The following GRID1 variants were observed in gnomAD, a reference collection of about 807,000 sequenced individuals.
The protein encoded by GRID1 is glutamate receptor ionotropic, delta-1.
In GRID1, 28 loss-of-function variants were observed where a neutral mutation model predicts 98.0. The observed-to-expected ratio is 0.29, with a 90% CI of 0.21 to 0.39. The LOEUF (loss-of-function observed/expected upper bound fraction) is 0.39. Among genes scored for constraint, GRID1 ranks in the 10% least tolerant of loss-of-function variants. The pLI is 1.00. For synonymous variants in GRID1, 553 were observed against 538.5 expected (o/e 1.03, Z -0.37); for missense variants, 1,111 against 1,340.5 (o/e 0.83, Z 2.67).
chr10:85,653,998 A>G (rs1395501703), intron 12 of GRID1, among the ~76,000 whole-genome samples: 1 of 152,238 alleles, frequency 6.6e-6, no homozygotes, highest in Non-Finnish European at 1.5e-5. Flanking sequence ...CTTTGTATCC[A>G]AAGCCTAGTC....
intron 4 of GRID1, among the ~76,000 whole-genome samples, chr10:86,003,898 C>T (rs146720187): frequency 2.0e-5 from 3 of 152,302 alleles, no homozygotes; most frequent in African/African-American, 7.2e-5. Flanking sequence ...CTTGCCTGCC[C>T]TGTGCCACAT....
chr10:85,651,262 G>T (rs975025039), intron 12 of GRID1, among the ~76,000 whole-genome samples: 1 of 152,226 alleles, frequency 6.6e-6, no homozygotes, highest in African/African-American at 2.4e-5. Flanking sequence ...CTAGTAGACT[G>T]CTTATCAGTA....
At position 85,648,863 on chromosome 10, in the gene GRID1, A is replaced by G. The variant is rs528463102; in HGVS notation, c.1998-1466T>C. 9.8e-5 allele frequency among the ~76,000 whole-genome samples: 15 copies of G among 152,288 alleles called. No homozygotes were observed. The South Asian group carries it at 2.9e-3, about 29-fold the overall frequency. ...CAGCATGAGCTCACCGGGACTTCAG[A>G]GGGCCATGTGCCAGAGCAGAGACAA... On this transcript the variant is annotated intron_variant, in intron 12 of 15. Transcript: ENST00000327946.
chr10:86,161,415 G>A (rs1056843754), intron 3 of GRID1, among the ~76,000 whole-genome samples: 1 of 152,108 alleles, frequency 6.6e-6, no homozygotes, highest in African/African-American at 2.4e-5. Context: ...CATTTACGAA[G>A]CTCCCACCTG....
At chr10:86,217,123 C>T (rs1379791955) in intron 2 of GRID1, among the ~76,000 whole-genome samples, 1 of 152,114 alleles carries the variant, frequency 6.6e-6, no homozygotes, top group Non-Finnish European at 1.5e-5. Context: ...CCATTCTAGA[C>T]AGGAGGAACA....
intron 12 of GRID1, among the ~76,000 whole-genome samples, chr10:85,712,668 TA>T (rs1307549405): frequency 2.0e-5 from 3 of 151,896 alleles, no homozygotes; most frequent in Admixed American, 6.6e-5. Context: ...TATTACCTGT[TA>T]GACCACAAAA....
chr10:85,602,004 T>A lies in GRID1; in HGVS notation c.*269A>T. 1 of 392,668 alleles carries A rather than the reference T, an allele frequency of 2.5e-6. No homozygotes were observed. The highest frequency in any genetic ancestry group is 2.0e-5 in the African/African-American group (1 of 48,832). 24.3% of individuals were successfully genotyped at this position (392,668 alleles called of 1,614,324 possible). ...CACTTCAGAATGATCACAAGTAATT[T>A]GCCTTTTTATTCATATAGAACAAAA... On this transcript the variant is annotated 3_prime_UTR_variant, in exon 16 of 16. Coordinates refer to ENST00000327946, the MANE Select transcript of GRID1 (RefSeq NM_017551.3).
chr10:86,284,818 G>A (rs975631756), intron 2 of GRID1, among the ~76,000 whole-genome samples: 4 of 152,228 alleles, frequency 2.6e-5, no homozygotes, highest in African/African-American at 9.6e-5. Context: ...CGCAGCAGAG[G>A]GAGATGGCAG....
At chr10:85,812,218 G>T (rs567163821) in intron 8 of GRID1, among the ~76,000 whole-genome samples, 2 of 152,140 alleles carry the variant, frequency 1.3e-5, no homozygotes, top group Admixed American at 6.6e-5. Flanking sequence ...ATCTGGAAGT[G>T]AAAAGATGAT....
At chr10:86,243,905 T>C (rs1846677953) in intron 2 of GRID1, among the ~76,000 whole-genome samples, 1 of 152,124 alleles carries the variant, frequency 6.6e-6, no homozygotes, top group East Asian at 1.9e-4. Flanking sequence ...CTCGCCACCA[T>C]CTCTGCACAC....
chr10:85,772,227 G>C (rs1467546062), intron 8 of GRID1, among the ~76,000 whole-genome samples: 3 of 152,110 alleles, frequency 2.0e-5, no homozygotes, highest in Non-Finnish European at 1.5e-5. Context: ...TGACTACTGG[G>C]TACATAACGA....
chr10:86,202,995 T>C (rs1845975313), intron 3 of GRID1, among the ~76,000 whole-genome samples: 1 of 152,226 alleles, frequency 6.6e-6, no homozygotes, highest in African/African-American at 2.4e-5. Flanking sequence ...AATAGGATGA[T>C]GCCTTGGCTA....
Position 85,600,166 on chromosome 10 carries a change from A to T in GRID1, c.*2107T>A, listed in dbSNP as rs1842554567. 1 of 152,452 alleles carries T rather than the reference A, an allele frequency of 6.6e-6. No individual in the cohort carries two copies. The highest frequency in any genetic ancestry group is 6.5e-5 in the Admixed American group (1 of 15,276). The allele number at this position is 152,452 out of a possible 1,614,324, so 9.4% of individuals were successfully genotyped here. ...ATGTGAAAAATTGACCATTCAGGGC[A>T]GGGCCCCCAACGTGCTGATGGAAAA... On this transcript the variant is annotated 3_prime_UTR_variant, in exon 16 of 16. Transcript: ENST00000327946.
chr10:85,861,043 C>A (rs1394964852), intron 6 of GRID1, among the ~76,000 whole-genome samples: 3 of 152,208 alleles, frequency 2.0e-5, no homozygotes, highest in Non-Finnish European at 4.4e-5. Context: ...AATAAAATAT[C>A]TATGCAGCTT....
At chr10:86,359,738 C>T (rs1314009143) in intron 2 of GRID1, among the ~76,000 whole-genome samples, 1 of 152,216 alleles carries the variant, frequency 6.6e-6, no homozygotes, top group Admixed American at 6.5e-5. Context: ...TCGTGCTCAG[C>T]CAGTTCTTTT....
At chr10:85,839,713 T>C (rs1842944864) in intron 8 of GRID1, among the ~76,000 whole-genome samples, 1 of 151,660 alleles carries the variant, frequency 6.6e-6, no homozygotes, top group Admixed American at 6.6e-5. Context: ...CTAAAAGAAC[T>C]AGAGAACCAA....
At chr10:85,606,037 C>T (rs544816145) in intron 15 of GRID1, 77 of 152,320 alleles carry the variant, frequency 5.1e-4, no homozygotes, top group African/African-American at 1.7e-3. Flanking sequence ...GGGAGTGGAT[C>T]CGGTAATAAT....
intron 2 of GRID1, among the ~76,000 whole-genome samples, chr10:86,230,794 TC>T (rs773040811): frequency 1.6e-4 from 25 of 152,130 alleles, no homozygotes; most frequent in Non-Finnish European, 2.2e-4. Context: ...CAGAGCTGTC[TC>T]CCCCTCTGGT....
chr10:86,336,618 C>A (rs930839165), intron 2 of GRID1, among the ~76,000 whole-genome samples: 3 of 152,212 alleles, frequency 2.0e-5, no homozygotes, highest in African/African-American at 7.2e-5. Flanking sequence ...CGTGGTGTCC[C>A]CACCCAGTAG....
Sources: allele counts gnomAD v4.1 joint callset (sites outside exome capture counted in the v4.1 genomes callset), GRCh38; gene constraint gnomAD v4.1.1; transcripts MANE v1.5; gene names NCBI Gene and HGNC (gene_info 2026-07-23, HGNC 2026-07-21).